PPM1E: variants seen among roughly 807,000 people sequenced by gnomAD.
PPM1E encodes the protein protein phosphatase, Mg2+/Mn2+ dependent 1E.
In PPM1E, 20 loss-of-function variants were observed where a neutral mutation model predicts 65.9. The observed-to-expected ratio is 0.30, with a 90% CI of 0.21 to 0.44. The LOEUF is 0.44. Among genes scored for constraint, PPM1E ranks in the 20% least tolerant of loss-of-function variants. The pLI is 1.00. For missense variants in PPM1E, 713 were observed against 953.1 expected, an observed-to-expected ratio of 0.75 and a Z score of 3.32; for synonymous variants, 352 against 374.9, an observed-to-expected ratio of 0.94 and a Z score of 0.70.
At chr17:58,979,059 CT>C (rs893762851) in intron 6 of PPM1E, among the ~76,000 whole-genome samples, 3 of 152,142 alleles carry the variant, frequency 2.0e-5, no homozygotes, top group African/African-American at 7.2e-5. Context: ...CTAACTTACC[CT>C]TCAGGACCAG....
At chr17:58,944,521 A>C (rs917697503) in intron 1 of PPM1E, among the ~76,000 whole-genome samples, 3 of 151,246 alleles carry the variant, frequency 2.0e-5, no homozygotes, top group African/African-American at 7.3e-5. Context: ...AGCTACCACT[A>C]CTCTCTGCTT....
intron 1 of PPM1E, among the ~76,000 whole-genome samples, chr17:58,858,040 A>G (rs1303029265): frequency 6.6e-6 from 1 of 152,158 alleles, no homozygotes; most frequent in Non-Finnish European, 1.5e-5. Context: ...TTTCACTTCC[A>G]TAAAAAACGT....
intron 1 of PPM1E, among the ~76,000 whole-genome samples, chr17:58,880,135 T>C (rs958029337): frequency 6.6e-6 from 1 of 152,194 alleles, no homozygotes; most frequent in African/African-American, 2.4e-5. Context: ...ACAGTTATTT[T>C]AACAAGGTCT....
chr17:58,900,911 A>G (rs1423284427), intron 1 of PPM1E, among the ~76,000 whole-genome samples: 2 of 152,198 alleles, frequency 1.3e-5, no homozygotes, highest in South Asian at 2.1e-4. Flanking sequence ...TATTCTAAGC[A>G]CACAATATAA....
chr17:58,934,185 C>T (rs752302080), intron 1 of PPM1E, among the ~76,000 whole-genome samples: 2 of 151,306 alleles, frequency 1.3e-5, no homozygotes, highest in East Asian at 1.9e-4. Flanking sequence ...AATGGGGAAG[C>T]GTCTTTCATT....
At chr17:58,853,994 A>AATCAGAGG (rs1222734232) in intron 1 of PPM1E, among the ~76,000 whole-genome samples, 4 of 152,218 alleles carry the variant, frequency 2.6e-5, no homozygotes, top group African/African-American at 9.6e-5. Flanking sequence ...GATTGCATTA[A>AATCAGAGG]ATCAGAGGAT....
At chr17:58,930,284 C>G (rs1434014631) in intron 1 of PPM1E, among the ~76,000 whole-genome samples, 1 of 150,952 alleles carries the variant, frequency 6.6e-6, no homozygotes, top group Non-Finnish European at 1.5e-5. Context: ...CACACACACA[C>G]AGACACACAC....
At chr17:58,885,318 A>C (rs1015509732) in intron 1 of PPM1E, among the ~76,000 whole-genome samples, 1 of 152,190 alleles carries the variant, frequency 6.6e-6, no homozygotes, top group Non-Finnish European at 1.5e-5. Context: ...TGCCCTCCCA[A>C]AGTGTTGGGA....
intron 1 of PPM1E, among the ~76,000 whole-genome samples, chr17:58,865,066 C>G (rs1567857541): frequency 6.6e-6 from 1 of 152,056 alleles, no homozygotes; most frequent in Non-Finnish European, 1.5e-5. Flanking sequence ...GCAGGTCCAT[C>G]CTATGAGGGA....
chr17:58,807,523 C>G (rs1199642416), intron 1 of PPM1E, among the ~76,000 whole-genome samples: 1 of 152,190 alleles, frequency 6.6e-6, no homozygotes, highest in East Asian at 1.9e-4. Flanking sequence ...TTGTGCAACT[C>G]TGTGACTATA....
intron 2 of PPM1E, among the ~76,000 whole-genome samples, chr17:58,960,534 G>C (rs1004822826): frequency 1.3e-5 from 2 of 152,030 alleles, no homozygotes; most frequent in African/African-American, 4.8e-5. Flanking sequence ...CAGCACTTTG[G>C]GAGGCCAAGG....
At chr17:58,826,098 A>G (rs58390237) in intron 1 of PPM1E, among the ~76,000 whole-genome samples, 1 of 151,350 alleles carries the variant, frequency 6.6e-6, no homozygotes, top group African/African-American at 2.4e-5. Flanking sequence ...AGACCAGCCC[A>G]GCCAACATGG....
At chr17:58,775,830 C>T (rs1334239526) in intron 1 of PPM1E, among the ~76,000 whole-genome samples, 2 of 134,232 alleles carry the variant, frequency 1.5e-5, no homozygotes, top group Admixed American at 8.8e-5. Flanking sequence ...AGGAGAATGG[C>T]GTGAACCCGG....
At chr17:58,939,080 G>A (rs1437208040) in intron 1 of PPM1E, among the ~76,000 whole-genome samples, 8 of 152,054 alleles carry the variant, frequency 5.3e-5, no homozygotes, top group African/African-American at 1.2e-4. Flanking sequence ...GCACCACCAC[G>A]CCTGGCCCAC....
At chr17:58,843,424 G>A (rs1010580243) in intron 1 of PPM1E, among the ~76,000 whole-genome samples, 2 of 152,166 alleles carry the variant, frequency 1.3e-5, no homozygotes, top group South Asian at 4.2e-4. Flanking sequence ...GAAGGCTGAG[G>A]CAGGAGAATT....
intron 3 of PPM1E, among the ~76,000 whole-genome samples, chr17:58,967,097 C>T (rs2030300374): frequency 6.6e-6 from 1 of 152,078 alleles, no homozygotes; most frequent in African/African-American, 2.4e-5. Flanking sequence ...AAAATTAGCC[C>T]AAAGGACTTA....
chr17:58,896,125 GA>G (rs968739591), intron 1 of PPM1E, among the ~76,000 whole-genome samples: 2 of 33,734 alleles, frequency 5.9e-5, no homozygotes, highest in African/African-American at 2.1e-4. Flanking sequence ...AAAAAAAAAA[GA>G]AAAAGAAAAA....
At chr17:58,771,993 C>G (rs916518393) in intron 1 of PPM1E, among the ~76,000 whole-genome samples, 3 of 152,074 alleles carry the variant, frequency 2.0e-5, no homozygotes, top group Middle Eastern at 3.2e-3. Context: ...TACTGAGCAC[C>G]TTACATACTG....
chr17:58,909,718 T>C (rs1019627834), intron 1 of PPM1E, among the ~76,000 whole-genome samples: 3 of 152,128 alleles, frequency 2.0e-5, no homozygotes, highest in Admixed American at 1.3e-4. Flanking sequence ...TTTTCTGGCT[T>C]CTTTCAAGAT....
Sources: gnomAD v4.1 joint callset for allele counts (sites outside exome capture counted in the v4.1 genomes callset) on GRCh38, gnomAD v4.1.1 for gene constraint, MANE v1.5 for transcripts, NCBI Gene and HGNC (gene_info 2026-07-23, HGNC 2026-07-21) for gene names.